SPATS2L: variants seen among roughly 807,000 people sequenced by gnomAD.
SPATS2L encodes the protein spermatogenesis associated serine rich 2 like, also known as SPATS2-like protein.
In SPATS2L, 30 loss-of-function variants were observed where a neutral mutation model predicts 59.6. That is an observed-to-expected ratio of 0.50 (90% CI 0.38 to 0.68). The LOEUF (loss-of-function observed/expected upper bound fraction) is 0.68, where lower values mean the gene tolerates loss of function less well. SPATS2L is among the 30% of genes least tolerant of loss of function. SPATS2L has a pLI of 0.00. For missense variants in SPATS2L, 615 were observed against 700.0 expected (o/e 0.88, Z 1.37); for synonymous variants, 252 against 263.5 (o/e 0.96, Z 0.42).
At chr2:200,419,537 T>C (rs2083219883) in intron 6 of SPATS2L, 41 bp downstream of exon 6, 2 of 1,606,486 alleles carry the variant, frequency 1.2e-6, no homozygotes, top group African/African-American at 2.7e-5. Flanking sequence ...AAGGCATAGA[T>C]GAAAAGAGCA....
Position 200,482,096 on chromosome 2 carries a change from G to A in SPATS2L, c.*4065G>A, listed in dbSNP as rs1167005554. ...TCCAGCATTTCCTTGAAAGTACTGA[G>A]CCATCTCAATTGCTCTGATTTTGTG... On this transcript the variant is annotated 3_prime_UTR_variant, in exon 13 of 13. Transcript: ENST00000409140. 1.3e-5 allele frequency: 2 copies of A among 152,230 alleles called. No individual in the cohort carries two copies. Among genetic ancestry groups the A allele is most frequent in the Non-Finnish European group, 2.9e-5 (2 of 68,048 alleles). 9.4% of individuals were successfully genotyped at this position (152,230 alleles called of 1,614,324 possible).
At chr2:200,397,375 T>A (rs1258462968) in intron 3 of SPATS2L, among the ~76,000 whole-genome samples, 1 of 152,160 alleles carries the variant, frequency 6.6e-6, no homozygotes, top group Non-Finnish European at 1.5e-5. Context: ...AATTATTCAG[T>A]TTTTACGGAG....
Position 200,383,651 on chromosome 2 carries a change from CCTCT to C in SPATS2L, c.-22-5569_-22-5566del, listed in dbSNP as rs562723116. Among the ~76,000 whole-genome samples the C allele has an allele frequency of 1.9e-3, 289 of 152,234 alleles. 3 individuals are homozygous for C. Among genetic ancestry groups the C allele is most frequent in the African/African-American group, 6.5e-3 (270 of 41,532 alleles). ...AGTCTCTACCAACTTGGTCATTTTC[CCTCT>C]CTAAGTCATACGTCATGACATTTGG... is the stretch of plus-strand genomic sequence containing the variant. On this transcript the variant is annotated intron_variant, in intron 2 of 12. Transcript: ENST00000409140.
intron 1 of SPATS2L, among the ~76,000 whole-genome samples, chr2:200,317,322 G>A (rs1453403301): frequency 2.0e-5 from 3 of 152,216 alleles, no homozygotes; most frequent in East Asian, 1.9e-4. Flanking sequence ...GTTTTCTCAT[G>A]TATGAAGCAA....
At position 200,477,781 on chromosome 2, in the gene SPATS2L, A is replaced by G. The variant is rs939162648; in HGVS notation, c.1427A>G (p.His476Arg). ...NSRHEHRRQP[H>R]NGFRPKNKGG... The stretch of plus-strand genomic sequence containing the variant: ...CGCCACGAACACAGAAGACAGCCGC[A>G]CAACGGCTTCCGGCCCAAAAACAAA... Residue 476 changes from histidine (H) to arginine (R), a missense_variant, in exon 13 of 13, where the codon CAC becomes CGC. Transcript: ENST00000409140. 1 of 1,579,326 alleles carries G rather than the reference A, an allele frequency of 6.3e-7. No individual in the cohort carries two copies. Among genetic ancestry groups the G allele is most frequent in the South Asian group, 1.2e-5 (1 of 86,470 alleles).
intron 2 of SPATS2L, among the ~76,000 whole-genome samples, chr2:200,382,889 C>T (rs1371104936): frequency 5.3e-5 from 8 of 152,094 alleles, no homozygotes; most frequent in Admixed American, 3.9e-4. Flanking sequence ...TCCTTAACGA[C>T]GTAATTTGTA....
chr2:200,395,544 C>T (rs749127515), intron 3 of SPATS2L, among the ~76,000 whole-genome samples: 39 of 152,118 alleles, frequency 2.6e-4, no homozygotes, highest in Non-Finnish European at 4.1e-4. Flanking sequence ...TTTTCTGGGC[C>T]TCAATTTCCT....
chr2:200,314,146 A>G (rs1483034883), intron 1 of SPATS2L, among the ~76,000 whole-genome samples: 1 of 152,140 alleles, frequency 6.6e-6, no homozygotes, highest in African/African-American at 2.4e-5. Flanking sequence ...TGTGTTCCAA[A>G]TGTCTTTAAC....
intron 6 of SPATS2L, among the ~76,000 whole-genome samples, chr2:200,421,895 T>C (rs2083320903): frequency 6.6e-6 from 1 of 152,256 alleles, no homozygotes; most frequent in South Asian, 2.1e-4. Flanking sequence ...AATCATAGAC[T>C]AAAAGCTTAG....
At chr2:200,424,079 A>G (rs2083423093) in intron 6 of SPATS2L, among the ~76,000 whole-genome samples, 1 of 152,188 alleles carries the variant, frequency 6.6e-6, no homozygotes, top group African/African-American at 2.4e-5. Context: ...GCCTGAGAGT[A>G]GTTTTTTTCT....
chr2:200,451,589 A>G (rs1255311605), intron 8 of SPATS2L, among the ~76,000 whole-genome samples: 1 of 152,198 alleles, frequency 6.6e-6, no homozygotes, highest in Non-Finnish European at 1.5e-5. Context: ...ATTGTGGGGA[A>G]GAGCCTTCTA....
intron 3 of SPATS2L, among the ~76,000 whole-genome samples, chr2:200,404,639 G>A (rs2082634690): frequency 6.6e-6 from 1 of 152,124 alleles, no homozygotes; most frequent in Non-Finnish European, 1.5e-5. Flanking sequence ...GTGGTCCATT[G>A]CATTCATTTC....
intron 3 of SPATS2L, among the ~76,000 whole-genome samples, chr2:200,391,114 C>T (rs1574366724): frequency 6.6e-6 from 1 of 152,162 alleles, no homozygotes; most frequent in Non-Finnish European, 1.5e-5. Context: ...GAGCCAAGAT[C>T]GCGCCACTGC....
chr2:200,332,415 T>C (rs1277366099), intron 2 of SPATS2L, among the ~76,000 whole-genome samples: 1 of 152,112 alleles, frequency 6.6e-6, no homozygotes, highest in African/African-American at 2.4e-5. Context: ...TGGCTATTTT[T>C]TTTATTTTTT....
At chr2:200,344,332 G>C (rs1225598400) in intron 2 of SPATS2L, among the ~76,000 whole-genome samples, 1 of 152,048 alleles carries the variant, frequency 6.6e-6, no homozygotes, top group African/African-American at 2.4e-5. Flanking sequence ...TTTGTTTTCT[G>C]TTCCTATGTT....
intron 2 of SPATS2L, among the ~76,000 whole-genome samples, chr2:200,351,694 G>A (rs549507517): frequency 4.5e-4 from 68 of 149,820 alleles, no homozygotes; most frequent in African/African-American, 1.6e-3. Context: ...CTTCAGTAGC[G>A]AGGAGTTATA....
intron 7 of SPATS2L, among the ~76,000 whole-genome samples, chr2:200,439,935 A>G (rs1398145120): frequency 6.6e-6 from 1 of 152,196 alleles, no homozygotes; most frequent in Non-Finnish European, 1.5e-5. Flanking sequence ...ATTAAATACT[A>G]TTCTTTTCAT....
intron 12 of SPATS2L, among the ~76,000 whole-genome samples, chr2:200,474,277 C>G (rs1448089742): frequency 6.6e-6 from 1 of 151,930 alleles, no homozygotes; most frequent in Non-Finnish European, 1.5e-5. Context: ...GTTATAATCT[C>G]ATTAGTTAAA....
At chr2:200,354,861 T>A (rs2080860455) in intron 2 of SPATS2L, among the ~76,000 whole-genome samples, 1 of 152,226 alleles carries the variant, frequency 6.6e-6, no homozygotes, top group South Asian at 2.1e-4. Flanking sequence ...ATGAGTTTGT[T>A]AGTTATTTGC....
Sources: gnomAD v4.1 joint callset for allele counts (sites outside exome capture counted in the v4.1 genomes callset) on GRCh38, gnomAD v4.1.1 for gene constraint, MANE v1.5 for transcripts, NCBI Gene and HGNC (gene_info 2026-07-23, HGNC 2026-07-21) for gene names.